Variants in KIAA1328 observed in about 807,000 individuals in gnomAD.
KIAA1328 encodes the protein KIAA1328.
A neutral mutation model predicts 68.1 loss-of-function variants in KIAA1328; 52 were observed. The ratio of observed to expected loss-of-function variants is 0.76; its 90% CI spans 0.61 to 0.96. KIAA1328 has a LOEUF of 0.96. KIAA1328 is among the 40% of genes least tolerant of loss of function. KIAA1328 has a pLI of 0.00. For missense variants in KIAA1328, 641 were observed against 677.6 expected (o/e 0.95, Z 0.60); for synonymous variants, 232 against 239.4 (o/e 0.97, Z 0.28).
At chr18:37,217,496 C>T (rs1016304962) in intron 9 of KIAA1328, among the ~76,000 whole-genome samples, 6 of 152,096 alleles carry the variant, frequency 3.9e-5, no homozygotes, top group Non-Finnish European at 7.4e-5. Flanking sequence ...AATATTGGCC[C>T]CCACTCTCTT....
intron 5 of KIAA1328, among the ~76,000 whole-genome samples, chr18:36,947,765 A>T (rs2050962107): frequency 6.6e-6 from 1 of 152,234 alleles, no homozygotes; most frequent in Admixed American, 6.5e-5. Context: ...TTTCCCCACA[A>T]GAGATAGCTT....
At chr18:36,979,060 G>A (rs530325593) in intron 6 of KIAA1328, among the ~76,000 whole-genome samples, 1 of 152,258 alleles carries the variant, frequency 6.6e-6, no homozygotes, top group East Asian at 1.9e-4. Flanking sequence ...TCGGGAGGCT[G>A]AAGTGGGAGG....
chr18:36,980,180 C>CT (rs1290338936), intron 6 of KIAA1328, among the ~76,000 whole-genome samples: 3 of 152,114 alleles, frequency 2.0e-5, no homozygotes, highest in Non-Finnish European at 2.9e-5. Context: ...ATAAATTTCT[C>CT]TTTTTTTATA....
chr18:37,067,679 C>A (rs1009771574), intron 7 of KIAA1328, 134 bp downstream of exon 7: 8 of 937,850 alleles, frequency 8.5e-6, no homozygotes, highest in Non-Finnish European at 1.2e-5. Flanking sequence ...TCTGCCTCAG[C>A]CTCCCGAGTA....
chr18:36,831,122 A>G (rs926128985), intron 1 of KIAA1328, among the ~76,000 whole-genome samples: 11 of 152,242 alleles, frequency 7.2e-5, no homozygotes, highest in African/African-American at 2.7e-4. Context: ...GAGCCTTTAT[A>G]GTAGAATTTT....
intron 7 of KIAA1328, among the ~76,000 whole-genome samples, chr18:37,127,766 A>G (rs978721747): frequency 6.6e-6 from 1 of 152,166 alleles, no homozygotes; most frequent in East Asian, 1.9e-4. Context: ...AGGACTTTAG[A>G]ACACCCAAAA....
chr18:36,981,218 T>G (rs1266598643), intron 6 of KIAA1328, among the ~76,000 whole-genome samples: 1 of 152,082 alleles, frequency 6.6e-6, no homozygotes, highest in Non-Finnish European at 1.5e-5. Context: ...AATAAATAGC[T>G]CTAGGCTGAG....
At chr18:36,848,541 C>CTTTTTTTTT (rs59271370) in intron 4 of KIAA1328, among the ~76,000 whole-genome samples, 20 of 38,146 alleles carry the variant, frequency 5.2e-4, no homozygotes, top group East Asian at 8.9e-4. Context: ...TCTATAGATG[C>CTTTTTTTTT]TTTTTTTTTT....
At chr18:36,893,180 A>G (rs532180477) in intron 5 of KIAA1328, among the ~76,000 whole-genome samples, 6 of 152,306 alleles carry the variant, frequency 3.9e-5, no homozygotes, top group South Asian at 2.1e-4. Flanking sequence ...GAATTCATCC[A>G]GGAATTAAGA....
intron 6 of KIAA1328, among the ~76,000 whole-genome samples, chr18:37,008,820 T>G (rs2053874411): frequency 1.3e-5 from 2 of 152,056 alleles, no homozygotes; most frequent in South Asian, 2.1e-4. Context: ...GTCAGTAAAT[T>G]TGAAGATAGG....
chr18:36,849,121 A>G (rs1568073572), intron 4 of KIAA1328, among the ~76,000 whole-genome samples: 1 of 151,896 alleles, frequency 6.6e-6, no homozygotes, highest in Non-Finnish European at 1.5e-5. Context: ...TTGTCGTGCA[A>G]CCAGTCTTCA....
At position 36,937,542 on chromosome 18, in the gene KIAA1328, A is replaced by G. The variant is rs182542236; in HGVS notation, c.449-21766A>G. 3.2e-3 allele frequency among the ~76,000 whole-genome samples: 492 copies of G among 152,308 alleles called. 1 individual carries two copies. Among genetic ancestry groups the G allele is most frequent in the Non-Finnish European group, 3.6e-3 (244 of 68,008 alleles). On this transcript the variant is annotated intron_variant, in intron 5 of 9. Coordinates refer to ENST00000280020, the MANE Select transcript of KIAA1328 (RefSeq NM_020776.3). ...AAAATCAACCCATCAAAAAGTGGGCAAAGGATATGAACAGACACTTCTCAA... is the reference window on the plus strand; with the variant it reads ...AAAATCAACCCATCAAAAAGTGGGCGAAGGATATGAACAGACACTTCTCAA...
chr18:37,225,868 C>A (rs913331954), downstream of KIAA1328, among the ~76,000 whole-genome samples: 4 of 152,176 alleles, frequency 2.6e-5, no homozygotes, highest in African/African-American at 9.7e-5. Flanking sequence ...ACCTGCCCCT[C>A]AGAGGCACAG....
At chr18:37,040,372 T>C (rs2055197362) in intron 6 of KIAA1328, among the ~76,000 whole-genome samples, 1 of 152,178 alleles carries the variant, frequency 6.6e-6, no homozygotes, top group South Asian at 2.1e-4. Flanking sequence ...GCCATGTATT[T>C]TCCATAGTAT....
chr18:37,007,717 T>C (rs570348532), intron 6 of KIAA1328, among the ~76,000 whole-genome samples: 2 of 152,254 alleles, frequency 1.3e-5, no homozygotes, highest in African/African-American at 4.8e-5. Context: ...CAAAAGGCTT[T>C]TGGCTGCAAG....
At chr18:36,879,150 G>A (rs1448628453) in intron 4 of KIAA1328, among the ~76,000 whole-genome samples, 1 of 151,922 alleles carries the variant, frequency 6.6e-6, no homozygotes, top group Non-Finnish European at 1.5e-5. Flanking sequence ...TCATCTTCAT[G>A]GATTTATCTA....
intron 6 of KIAA1328, among the ~76,000 whole-genome samples, chr18:37,027,487 C>A (rs1205152962): frequency 1.3e-5 from 2 of 152,162 alleles, no homozygotes; most frequent in Non-Finnish European, 2.9e-5. Context: ...GCTACAGTAA[C>A]CAAAACAGCA....
chr18:36,944,983 T>C (rs763771527), intron 5 of KIAA1328, among the ~76,000 whole-genome samples: 2 of 152,112 alleles, frequency 1.3e-5, no homozygotes, highest in African/African-American at 2.4e-5. Flanking sequence ...GAGGGAGAGA[T>C]GTTGGCAGCT....
At chr18:36,956,838 C>T (rs1044643876) in intron 5 of KIAA1328, among the ~76,000 whole-genome samples, 3 of 152,164 alleles carry the variant, frequency 2.0e-5, no homozygotes, top group African/African-American at 7.2e-5. Flanking sequence ...GGCAGAGACT[C>T]CTGGGACCAC....
Sources: gnomAD v4.1 joint callset for allele counts (sites outside exome capture counted in the v4.1 genomes callset) on GRCh38, gnomAD v4.1.1 for gene constraint, MANE v1.5 for transcripts, NCBI Gene and HGNC (gene_info 2026-07-23, HGNC 2026-07-21) for gene names.